The following PDE4D variants were observed in gnomAD, a reference collection of about 807,000 sequenced individuals.
PDE4D encodes the protein phosphodiesterase 4D.
In PDE4D, 24 loss-of-function variants were observed where a neutral mutation model predicts 87.4. The ratio of observed to expected loss-of-function variants is 0.27; its 90% CI spans 0.20 to 0.39. PDE4D has a LOEUF of 0.39. Ranked by LOEUF, PDE4D falls within the 10% of genes least tolerant of loss-of-function variation. PDE4D has a pLI of 1.00. For missense variants in PDE4D, 714 were observed against 1,041.0 expected (o/e 0.69, Z 4.32); for synonymous variants, 384 against 383.2 (o/e 1.00, Z -0.02).
intron 1 of PDE4D, among the ~76,000 whole-genome samples, chr5:59,403,506 A>G (rs1791067106): frequency 6.6e-6 from 1 of 152,068 alleles, no homozygotes; most frequent in Admixed American, 6.6e-5. Flanking sequence ...CTCTATCTCC[A>G]GGATCTCAAT....
intron 3 of PDE4D, among the ~76,000 whole-genome samples, chr5:59,920,421 C>T (rs1475731245): frequency 2.6e-5 from 4 of 152,150 alleles, no homozygotes; most frequent in East Asian, 3.8e-4. Context: ...GTACAATTCT[C>T]CTTTAATGTA....
intron 1 of PDE4D, among the ~76,000 whole-genome samples, chr5:59,393,901 G>A (rs1032629183): frequency 1.2e-4 from 19 of 152,274 alleles, no homozygotes; most frequent in African/African-American, 4.6e-4. Context: ...AAAAGTGGAA[G>A]ATAAATGTGA....
At chr5:59,312,293 A>C (rs1017002317) in intron 1 of PDE4D, among the ~76,000 whole-genome samples, 2 of 152,228 alleles carry the variant, frequency 1.3e-5, no homozygotes, top group Admixed American at 6.5e-5. Flanking sequence ...TACTCCTGGG[A>C]CAAGCCCTTT....
chr5:60,271,720 A>G (rs1750830068), intron 1 of PDE4D, among the ~76,000 whole-genome samples: 1 of 152,226 alleles, frequency 6.6e-6, no homozygotes, highest in Non-Finnish European at 1.5e-5. Flanking sequence ...GTCATTTCAA[A>G]TGAAATACAG....
intron 2 of PDE4D, among the ~76,000 whole-genome samples, chr5:60,177,123 G>A (rs577639966): frequency 4.5e-4 from 69 of 152,194 alleles, no homozygotes; most frequent in African/African-American, 1.5e-3. Context: ...AAGTTCGGTT[G>A]CATGTTACCG....
chr5:59,899,550 T>G (rs1667383814), intron 3 of PDE4D, among the ~76,000 whole-genome samples: 1 of 152,080 alleles, frequency 6.6e-6, no homozygotes, highest in Admixed American at 6.6e-5. Flanking sequence ...TTCCATTTCT[T>G]TTAATTAGAG....
chr5:60,378,747 G>T lies in PDE4D; in HGVS notation c.-90+109195C>A, dbSNP rs368250490. Among the ~76,000 whole-genome samples the T allele has an allele frequency of 2.0e-4, 31 of 152,192 alleles. No homozygotes were observed. In the East Asian group the frequency reaches 5.8e-3, roughly 28 times the overall value. ...GCCCATCTGTAATCCCAGCTACTCA[G>T]GAGGCTGAGGCAGGAGAATCACTTG... On this transcript the variant is annotated intron_variant, in intron 1 of 16. Transcript: ENST00000502484.
At chr5:60,142,024 C>G (rs1410043822) in intron 2 of PDE4D, among the ~76,000 whole-genome samples, 1 of 152,078 alleles carries the variant, frequency 6.6e-6, no homozygotes, top group Admixed American at 6.6e-5. Context: ...ATTTGTACAG[C>G]AAGTCATGAA....
chr5:59,629,518 C>T (rs1317258660), intron 1 of PDE4D, among the ~76,000 whole-genome samples: 1 of 151,990 alleles, frequency 6.6e-6, no homozygotes, highest in Admixed American at 6.6e-5. Flanking sequence ...AGAGAGAAGG[C>T]CATCTACAAG....
intron 1 of PDE4D, among the ~76,000 whole-genome samples, chr5:59,234,555 A>G (rs940622061): frequency 2.0e-5 from 3 of 152,172 alleles, no homozygotes; most frequent in Non-Finnish European, 4.4e-5. Flanking sequence ...TGGCCTGTAA[A>G]ATACTTAGTA....
At chr5:60,320,969 A>G (rs1005845479) in intron 1 of PDE4D, among the ~76,000 whole-genome samples, 8 of 152,250 alleles carry the variant, frequency 5.3e-5, no homozygotes, top group African/African-American at 1.9e-4. Context: ...TAAAACGGTC[A>G]TATTGCCCAA....
chr5:59,264,172 T>C (rs568927319), intron 1 of PDE4D, among the ~76,000 whole-genome samples: 22 of 152,106 alleles, frequency 1.4e-4, no homozygotes, highest in Non-Finnish European at 2.9e-4. Context: ...CCACACTATG[T>C]CCCTCTTCTG....
intron 1 of PDE4D, among the ~76,000 whole-genome samples, chr5:59,341,966 A>G (rs1412259930): frequency 1.3e-5 from 2 of 152,112 alleles, no homozygotes; most frequent in Admixed American, 6.6e-5. Flanking sequence ...AATAACTCTA[A>G]TGATGTAGGC....
intron 1 of PDE4D, among the ~76,000 whole-genome samples, chr5:59,450,889 T>A (rs1216525388): frequency 2.8e-4 from 43 of 152,176 alleles, no homozygotes; most frequent in Admixed American, 2.8e-3. Context: ...CTTTTCCTCC[T>A]CTTTACCAAA....
chr5:59,365,186 A>C (rs1046571460), intron 1 of PDE4D, among the ~76,000 whole-genome samples: 6 of 152,182 alleles, frequency 3.9e-5, no homozygotes, highest in Non-Finnish European at 8.8e-5. Context: ...GTAGCCAGGT[A>C]TGAAGCTCAT....
chr5:59,640,128 T>G (rs1296696113), intron 1 of PDE4D, among the ~76,000 whole-genome samples: 1 of 152,130 alleles, frequency 6.6e-6, no homozygotes, highest in African/African-American at 2.4e-5. Flanking sequence ...ATATTTGCAG[T>G]GTCTATTGTT....
chr5:59,333,644 G>C (rs535292579), intron 1 of PDE4D, among the ~76,000 whole-genome samples: 31 of 152,126 alleles, frequency 2.0e-4, no homozygotes, highest in South Asian at 1.5e-3. Context: ...CTGCTTAAAG[G>C]GCTTCAGATT....
At chr5:60,178,743 T>C (rs978378655) in intron 2 of PDE4D, among the ~76,000 whole-genome samples, 2 of 152,192 alleles carry the variant, frequency 1.3e-5, no homozygotes, top group African/African-American at 4.8e-5. Context: ...GTTTAGGTTG[T>C]GGTACTGTGG....
At chr5:60,216,042 A>T (rs1743819656) in intron 1 of PDE4D, among the ~76,000 whole-genome samples, 1 of 152,128 alleles carries the variant, frequency 6.6e-6, no homozygotes, top group Non-Finnish European at 1.5e-5. Context: ...TTACTAACAC[A>T]AGATCTTTTA....
Sources: allele counts gnomAD v4.1 joint callset (sites outside exome capture counted in the v4.1 genomes callset), GRCh38; gene constraint gnomAD v4.1.1; transcripts MANE v1.5; gene names NCBI Gene and HGNC (gene_info 2026-07-23, HGNC 2026-07-21).